The following BSDC1 variants were observed in gnomAD, a reference collection of about 807,000 sequenced individuals.
BSDC1 encodes BSD domain containing 1.
BSDC1 carries 29 observed loss-of-function variants against 56.0 expected under a neutral mutation model. That is an observed-to-expected ratio of 0.52 (90% CI 0.39 to 0.71). The LOEUF (loss-of-function observed/expected upper bound fraction) is 0.71. Ranked by LOEUF, BSDC1 falls within the 30% of genes least tolerant of loss-of-function variation. The probability of loss-of-function intolerance (pLI) is 0.00; values close to 1 mark genes in which losing one functional copy is unlikely to be tolerated. For synonymous variants in BSDC1, 210 were observed against 215.3 expected, an observed-to-expected ratio of 0.98 and a Z score of 0.21; for missense variants, 477 against 548.5, an observed-to-expected ratio of 0.87 and a Z score of 1.30.
At chr1:32,374,776 C>A (rs967624617) in intron 9 of BSDC1, 1 of 152,306 alleles carries the variant, frequency 6.6e-6, no homozygotes, top group Non-Finnish European at 1.5e-5. Context: ...TCCTCCAGTA[C>A]CAGACTGGCC....
Position 32,378,850 on chromosome 1 carries a change from A to C in BSDC1, c.413-11T>G. ...ACAATTCCGGGGGCCCTGCAGAGGG[A>C]CAGATGCTGACGGTCAGTTGCCTTG... On this transcript the variant is annotated splice_polypyrimidine_tract_variant and intron_variant, in intron 5 of 10. Transcript: ENST00000455895. The surrounding 1 kb of genome is among the most constrained non-coding windows in gnomAD (Gnocchi z 5.2). 6.8e-7 allele frequency: 1 copy of C among 1,470,786 alleles called. No individual in the cohort carries two copies. Among genetic ancestry groups the C allele is most frequent in the Non-Finnish European group, 9.0e-7 (1 of 1,105,882 alleles). The allele number at this position is 1,470,786 out of a possible 1,614,324, so 91.1% of individuals were successfully genotyped here.
intron 2 of BSDC1, among the ~76,000 whole-genome samples, chr1:32,387,586 C>T (rs1642718404): frequency 6.6e-6 from 1 of 152,188 alleles, no homozygotes; most frequent in Non-Finnish European, 1.5e-5. Context: ...GGTGATCCGC[C>T]CACCTTGGCC....
chr1:32,381,715 C>A (rs1209789420), intron 4 of BSDC1, among the ~76,000 whole-genome samples: 2 of 152,178 alleles, frequency 1.3e-5, no homozygotes, highest in Non-Finnish European at 1.5e-5. Context: ...ACTAGGATCA[C>A]AGGGTGGCAA....
chr1:32,378,122 C>T lies in BSDC1; in HGVS notation c.598-74G>A. On this transcript the variant is annotated intron_variant, in intron 7 of 10. Coordinates refer to ENST00000455895, the MANE Select transcript of BSDC1 (RefSeq NM_018045.8). This position sits in a 1 kb window ranked among gnomAD's most constrained non-coding sequence, Gnocchi z 5.2. ...CTAGACCCTGGTCCTGATCCCACAACTCTTGGCACCCTGTATCCCTTTCTT... is the reference window on the plus strand; with the variant it reads ...CTAGACCCTGGTCCTGATCCCACAATTCTTGGCACCCTGTATCCCTTTCTT... The T allele has an allele frequency of 6.2e-7, 1 of 1,600,548 alleles. No individual in the cohort carries two copies. Among genetic ancestry groups the T allele is most frequent in the Non-Finnish European group, 8.5e-7 (1 of 1,170,276 alleles).
At chr1:32,373,493 T>C (rs1642169550) in intron 9 of BSDC1, among the ~76,000 whole-genome samples, 2 of 152,136 alleles carry the variant, frequency 1.3e-5, no homozygotes, top group South Asian at 2.1e-4. Flanking sequence ...TGAGGCATCA[T>C]TCTTATCACT....
At position 32,368,513 on chromosome 1, in the gene BSDC1, G is replaced by A. The variant is rs761966686; in HGVS notation, c.1194C>T (p.Asp398=). 6.2e-7 allele frequency: 1 copy of A among 1,614,130 alleles called. No homozygotes were observed. The highest frequency in any genetic ancestry group is 2.2e-5 in the East Asian group (1 of 44,870). Reference sequence around the variant, plus strand: ...CCTCTTCAGTCATGTCCAAGTCAAAGTCTTTCTCCCAGTCCTCACTGATGT... The same window carrying A: ...CCTCTTCAGTCATGTCCAAGTCAAAATCTTTCTCCCAGTCCTCACTGATGT... The part of the protein sequence containing the change: ...STDISEDWEK[D]FDLDMTEEEV... Residue 398 remains aspartate, a synonymous_variant, in exon 10 of 11, where the codon GAC becomes GAT. Transcript: ENST00000455895.
At chr1:32,380,362 C>T (rs754535158) in intron 5 of BSDC1, among the ~76,000 whole-genome samples, 2 of 152,158 alleles carry the variant, frequency 1.3e-5, no homozygotes, top group African/African-American at 2.4e-5. Flanking sequence ...ACCCCAACTC[C>T]GTCCAGGCAC....
intron 2 of BSDC1, among the ~76,000 whole-genome samples, chr1:32,389,458 G>A (rs1035618888): frequency 3.9e-5 from 6 of 152,136 alleles, no homozygotes; most frequent in African/African-American, 1.4e-4. Flanking sequence ...TTGTCTTCCC[G>A]CTAGACTGTG....
In BSDC1 at chr1:32,376,563, G is replaced by A. The variant is rs145768557; in HGVS notation, c.855C>T (p.Leu285=). The A allele has an allele frequency of 3.4e-5, 52 of 1,537,556 alleles. No homozygotes were observed. Among genetic ancestry groups the A allele is most frequent in the Non-Finnish European group, 4.3e-5 (49 of 1,132,342 alleles). The change falls in exon 9 of 11, where the codon CTC becomes CTT. Residue 285 remains leucine, a synonymous_variant. Transcript: ENST00000455895. ...TPSESSESIS[L]VTQIANPATA... ...TGGCCGGGTTGGCGATCTGTGTCAC[G>A]AGGGAGATGCTCTCACTGCTCTCTG...
rs773915545 is a variant in BSDC1 at position 32,376,599 on chromosome 1, C to T, written c.819G>A (p.Glu273=). Residue 273 remains glutamate, a synonymous_variant, in exon 9 of 11, where the codon GAG becomes GAA. Coordinates refer to ENST00000455895, the MANE Select transcript of BSDC1 (RefSeq NM_018045.8). ...TCTCACTGCTCTCTGATGGAGTCAC[C>T]TCTGCTGGGGGCTCAACTGAAGTCA... ...NLVTSVEPPA[E]VTPSESSESI... 4 of 1,495,046 alleles carry T rather than the reference C, an allele frequency of 2.7e-6. No homozygotes were observed. Among genetic ancestry groups the T allele is most frequent in the South Asian group, 1.4e-5 (1 of 72,656 alleles). The allele number at this position is 1,495,046 out of a possible 1,614,324, so 92.6% of individuals were successfully genotyped here. A position where few individuals can be genotyped will look rare whatever the true frequency, so the allele number is the denominator to read the frequency against.
chr1:32,385,714 G>C (rs1168604169), intron 3 of BSDC1, among the ~76,000 whole-genome samples: 1 of 152,144 alleles, frequency 6.6e-6, no homozygotes, highest in African/African-American at 2.4e-5. Context: ...GCAAGAGAGA[G>C]AGACCCCGTC....
intron 4 of BSDC1, among the ~76,000 whole-genome samples, chr1:32,381,611 AG>A (rs1040516190): frequency 6.6e-6 from 1 of 152,248 alleles, no homozygotes; most frequent in African/African-American, 2.4e-5. Context: ...GTCAAAATTT[AG>A]GGACAAATTT....
intron 4 of BSDC1, among the ~76,000 whole-genome samples, chr1:32,381,655 A>C (rs1468443863): frequency 6.6e-6 from 1 of 152,194 alleles, no homozygotes; most frequent in Non-Finnish European, 1.5e-5. Context: ...AATTAAAACC[A>C]CTCAAGAATT....
At chr1:32,373,754 T>C (rs1293908853) in intron 9 of BSDC1, among the ~76,000 whole-genome samples, 1 of 152,168 alleles carries the variant, frequency 6.6e-6, no homozygotes, top group Non-Finnish European at 1.5e-5. Context: ...ACTCCTGGGC[T>C]CAAGCGATCC....
chr1:32,375,302 G>A (rs1642240049), intron 9 of BSDC1, among the ~76,000 whole-genome samples: 1 of 152,086 alleles, frequency 6.6e-6, no homozygotes, highest in African/African-American at 2.4e-5. Flanking sequence ...CATCCACTGT[G>A]GCAAACCAGT....
intron 4 of BSDC1, among the ~76,000 whole-genome samples, chr1:32,382,340 G>A (rs1030588129): frequency 2.0e-5 from 3 of 151,726 alleles, no homozygotes; most frequent in African/African-American, 4.8e-5. Flanking sequence ...GTGGTGATGT[G>A]TGCCTATAGT....
At position 32,367,016 on chromosome 1, in the gene BSDC1, C is replaced by T. The variant is rs893371293; in HGVS notation, c.1261-362G>A. The T allele has an allele frequency of 1.1e-4, 117 of 1,031,496 alleles. No homozygotes were observed. The Middle Eastern group carries it at 1.4e-3, about 12-fold the overall frequency. The allele number at this position is 1,031,496 out of a possible 1,614,324, so 63.9% of individuals were successfully genotyped here. On this transcript the variant is annotated intron_variant, in intron 10 of 10. Coordinates refer to ENST00000455895, the MANE Select transcript of BSDC1 (RefSeq NM_018045.8). ...TGCCATGGCTCTGAGAAGCAGAGAA[C>T]TCAGGAGGCCTGAGCAGATACTTGG...
rs1388056857 is a variant in BSDC1, at chr1:32,364,821, C to T, written c.*1801G>A. Among the ~76,000 whole-genome samples, 2 of 152,152 alleles carry T rather than the reference C, an allele frequency of 1.3e-5. No homozygotes were observed. Among genetic ancestry groups the T allele is most frequent in the Non-Finnish European group, 2.9e-5 (2 of 68,022 alleles). On this transcript the variant is annotated 3_prime_UTR_variant, in exon 11 of 11. Transcript: ENST00000455895. ...AGGGGGAAGAGAGGATAAAAATGAC[C>T]AAGAGCAACTGAAGCCATTCTTGTT...
chr1:32,368,364 G>A, intron 10 of BSDC1, 83 bp downstream of exon 10: 1 of 1,614,138 alleles, frequency 6.2e-7, no homozygotes, highest in Non-Finnish European at 8.5e-7. Flanking sequence ...ACCCTCCTGA[G>A]GGGACAGCTG....
Sources: gnomAD v4.1 joint callset for allele counts (sites outside exome capture counted in the v4.1 genomes callset) on GRCh38, gnomAD v4.1.1 for gene constraint, Gnocchi (gnomAD v3.1) non-coding constraint, MANE v1.5 for transcripts, NCBI Gene and HGNC (gene_info 2026-07-23, HGNC 2026-07-21) for gene names.